C3orf20: variants seen among roughly 807,000 people sequenced by gnomAD.
The protein encoded by C3orf20 is family with sequence similarity 149 member C, also known as uncharacterized protein C3orf20.
Under a neutral mutation model 88.3 loss-of-function variants are expected in C3orf20, and 76 were observed. The observed-to-expected ratio is 0.86, with a 90% CI of 0.72 to 1.04. C3orf20 has a LOEUF of 1.04. Among genes scored for constraint, C3orf20 ranks in the 50% least tolerant of loss-of-function variants. C3orf20 has a pLI of 0.00. For missense variants in C3orf20, 1,056 were observed against 1,123.3 expected, an observed-to-expected ratio of 0.94 and a Z score of 0.86; for synonymous variants, 436 against 437.4, an observed-to-expected ratio of 1.00 and a Z score of 0.04.
At position 14,726,983 on chromosome 3, in the gene C3orf20, A is replaced by C; in HGVS notation, c.1649A>C (p.Lys550Thr). ...ALAEIKKRFQKTVTQFINSIL... is the reference protein window; with the variant it reads ...ALAEIKKRFQTTVTQFINSIL... ...GCTGAGATCAAGAAGCGGTTTCAGAAGACAGTGACTCAGTTCATTAATTCT... is the reference window on the plus strand; with the variant it reads ...GCTGAGATCAAGAAGCGGTTTCAGACGACAGTGACTCAGTTCATTAATTCT... Residue 550 changes from lysine (K) to threonine (T), a missense_variant, in exon 11 of 17, where the codon AAG (lysine) becomes ACG (threonine). Coordinates refer to ENST00000253697, the MANE Select transcript of C3orf20 (RefSeq NM_032137.5). The C allele has an allele frequency of 4.3e-6, 7 of 1,614,214 alleles. No individual in the cohort carries two copies. Among genetic ancestry groups the C allele is most frequent in the Non-Finnish European group, 5.9e-6 (7 of 1,180,042 alleles).
intron 15 of C3orf20, among the ~76,000 whole-genome samples, chr3:14,770,042 C>G (rs554701366): frequency 1.3e-4 from 20 of 152,276 alleles, no homozygotes; most frequent in African/African-American, 3.6e-4. Flanking sequence ...GGACCTCCTC[C>G]ACATCCACCC....
At chr3:14,755,833 T>C (rs1005133206) in intron 12 of C3orf20, among the ~76,000 whole-genome samples, 1 of 151,936 alleles carries the variant, frequency 6.6e-6, no homozygotes, top group African/African-American at 2.4e-5. Flanking sequence ...ATCGAGACCA[T>C]CCTGGCTAAC....
In C3orf20 at chr3:14,703,180, G is replaced by T; in HGVS notation, c.796G>T (p.Val266Leu). 6.2e-7 allele frequency: 1 copy of T among 1,614,214 alleles called. No homozygotes were observed. Reference protein sequence around the residue: ...DVSMPPLHRGVGTPANSLEFS... With the variant: ...DVSMPPLHRGLGTPANSLEFS... ...CAGCATGCCGCCCCTGCATCGAGGA[G>T]TGGGAACCCCTGCCAACAGCCTGGA... The change falls in exon 6 of 17, where the codon GTG becomes TTG. Residue 266 changes from valine (V) to leucine (L), a missense_variant. Transcript: ENST00000253697.
chr3:14,768,783 G>A lies in C3orf20; in HGVS notation c.2496-3284G>A, dbSNP rs903056. The stretch of plus-strand genomic sequence containing the variant: ...CCACACCCGACAAGGGCCTGTTCTT[G>A]TGGATGCTTTTCCTTTTCACTGTGG... On this transcript the variant is annotated intron_variant, in intron 15 of 16. Transcript: ENST00000253697. The surrounding 1 kb of genome is among the most constrained non-coding windows in gnomAD (Gnocchi z 4.1). Among the ~76,000 whole-genome samples, 60,590 of 151,878 alleles carry A rather than the reference G, an allele frequency of 0.4. 14,351 individuals carry two copies. Among genetic ancestry groups the A allele is most frequent in the Non-Finnish European group, 0.54 (36,733 of 67,920 alleles).
At position 14,726,804 on chromosome 3, in the gene C3orf20, C is replaced by A. The variant is rs1003147901; in HGVS notation, c.1567-97C>A. On this transcript the variant is annotated intron_variant, in intron 10 of 16. Coordinates refer to ENST00000253697, the MANE Select transcript of C3orf20 (RefSeq NM_032137.5). The stretch of plus-strand genomic sequence containing the variant: ...AGGGGTAGGGGGGCAGGCAATAGCA[C>A]ATCCTCTGAACCGGAGCAAGTCTTA... The A allele has an allele frequency of 7.7e-6, 12 of 1,548,704 alleles. No individual in the cohort carries two copies. In the African/African-American group the frequency reaches 1.5e-4, roughly 19 times the overall value.
intron 5 of C3orf20, among the ~76,000 whole-genome samples, chr3:14,696,853 G>C (rs1432911798): frequency 6.6e-6 from 1 of 151,976 alleles, no homozygotes; most frequent in Non-Finnish European, 1.5e-5. Flanking sequence ...TTTCATGTAG[G>C]AGAGGTCTGG....
At chr3:14,699,805 A>G (rs575597066) in intron 5 of C3orf20, among the ~76,000 whole-genome samples, 56 of 152,280 alleles carry the variant, frequency 3.7e-4, no homozygotes, top group Non-Finnish European at 6.2e-4. Context: ...ACTGGCTCTG[A>G]GCCCAGCTCA....
intron 7 of C3orf20, among the ~76,000 whole-genome samples, chr3:14,706,286 AAC>A (rs2033500964): frequency 6.6e-6 from 1 of 151,988 alleles, no homozygotes; most frequent in Admixed American, 6.6e-5. Flanking sequence ...TCCAGTATTT[AAC>A]ACAGCTGACT....
chr3:14,741,217 T>C (rs540303452), intron 12 of C3orf20, among the ~76,000 whole-genome samples: 48 of 152,156 alleles, frequency 3.2e-4, no homozygotes, highest in Non-Finnish European at 5.7e-4. Flanking sequence ...TCACCTTTAC[T>C]CCTCAGATAG....
At chr3:14,725,796 A>T (rs1396266391) in intron 10 of C3orf20, among the ~76,000 whole-genome samples, 1 of 150,828 alleles carries the variant, frequency 6.6e-6, no homozygotes, top group African/African-American at 2.4e-5. Context: ...TACCTTCTCT[A>T]TGTTACGTGG....
chr3:14,725,179 T>A (rs1402801471), intron 10 of C3orf20, among the ~76,000 whole-genome samples: 1 of 152,252 alleles, frequency 6.6e-6, no homozygotes, highest in East Asian at 1.9e-4. Context: ...AATGTTGACC[T>A]TAACCATGTG....
intron 10 of C3orf20, among the ~76,000 whole-genome samples, chr3:14,724,887 C>T (rs1412802385): frequency 1.3e-5 from 2 of 152,082 alleles, no homozygotes; most frequent in African/African-American, 4.8e-5. Flanking sequence ...CAGTAGAAGA[C>T]TGAGAGGTTA....
intron 7 of C3orf20, among the ~76,000 whole-genome samples, chr3:14,706,697 G>A (rs2033516811): frequency 6.6e-6 from 1 of 151,736 alleles, no homozygotes; most frequent in Admixed American, 6.6e-5. Flanking sequence ...AGTTCTTTTT[G>A]GTGACCCTGC....
chr3:14,721,145 G>A (rs2034146923), intron 9 of C3orf20, among the ~76,000 whole-genome samples: 1 of 152,210 alleles, frequency 6.6e-6, no homozygotes, highest in African/African-American at 2.4e-5. Flanking sequence ...GGCTGAGTAT[G>A]TGTGGCCCAG....
At chr3:14,749,044 T>A (rs2035143422) in intron 12 of C3orf20, among the ~76,000 whole-genome samples, 1 of 152,220 alleles carries the variant, frequency 6.6e-6, no homozygotes, top group Non-Finnish European at 1.5e-5. Context: ...AAAAGTGGGA[T>A]GTTAAAGTAT....
intron 7 of C3orf20, among the ~76,000 whole-genome samples, chr3:14,710,413 C>G (rs2033692259): frequency 6.6e-6 from 1 of 151,884 alleles, no homozygotes; most frequent in Non-Finnish European, 1.5e-5. Flanking sequence ...CCTTCTTTTT[C>G]TAGTTCCTTA....
intron 12 of C3orf20, among the ~76,000 whole-genome samples, chr3:14,745,740 ATATGT>A (rs1421242347): frequency 6.6e-6 from 1 of 150,964 alleles, no homozygotes; most frequent in Non-Finnish European, 1.5e-5. Context: ...CATCAGCAAA[ATATGT>A]TACCTTAGTA....
At chr3:14,697,556 T>A (rs567094679) in intron 5 of C3orf20, among the ~76,000 whole-genome samples, 87 of 152,194 alleles carry the variant, frequency 5.7e-4, no homozygotes, top group African/African-American at 2.0e-3. Flanking sequence ...AAATTTTTAT[T>A]ATTTTTTTAT....
In C3orf20 at chr3:14,721,756, G is replaced by C. The variant is rs770911016; in HGVS notation, c.1538G>C (p.Cys513Ser). The C allele has an allele frequency of 6.2e-7, 1 of 1,614,174 alleles. No homozygotes were observed. Among genetic ancestry groups the C allele is most frequent in the East Asian group, 2.2e-5 (1 of 44,870 alleles). The change falls in exon 10 of 17, where the codon TGT becomes TCT. Residue 513 changes from cysteine (C) to serine (S), a missense_variant. Physicochemically the swap from Cys to Ser is moderately radical, Grantham distance 112. Coordinates refer to ENST00000253697, the MANE Select transcript of C3orf20 (RefSeq NM_032137.5). ...ACACTCACTGTGTCGGCCAACAATT[G>C]TCCCCATGGAATGGCATATGACAAA... ...TVTLTVSANNCPHGMAYDKRL... is the reference protein window; with the variant it reads ...TVTLTVSANNSPHGMAYDKRL...
Sources: gnomAD v4.1 joint callset for allele counts (sites outside exome capture counted in the v4.1 genomes callset) on GRCh38, gnomAD v4.1.1 for gene constraint, Gnocchi (gnomAD v3.1) non-coding constraint, MANE v1.5 for transcripts, NCBI Gene and HGNC (gene_info 2026-07-23, HGNC 2026-07-21) for gene names.